ARL14EPL: variants seen among roughly 807,000 people sequenced by gnomAD.
ARL14EPL encodes the protein ARF like GTPase 14 effector protein like.
In ARL14EPL, 17 loss-of-function variants were observed where a neutral mutation model predicts 15.9. The ratio of observed to expected loss-of-function variants is 1.07; its 90% confidence interval spans 0.73 to 1.60. ARL14EPL has a LOEUF of 1.60. Ranked by LOEUF, ARL14EPL falls within the 40% of genes most tolerant of loss-of-function variation. The pLI, the probability that ARL14EPL is intolerant of heterozygous loss-of-function variation, is 0.00. For missense variants in ARL14EPL, 214 were observed against 185.9 expected, an observed-to-expected ratio of 1.15 and a Z score of -0.88; for synonymous variants, 78 against 63.8, an observed-to-expected ratio of 1.22 and a Z score of -1.06.
At chr5:116,036,530 G>C (rs1014529033) in intron 1 of ARL14EPL, among the ~76,000 whole-genome samples, 1 of 152,148 alleles carries the variant, frequency 6.6e-6, no homozygotes, top group Non-Finnish European at 1.5e-5. Context: ...ACATTATTTA[G>C]ACATGTTTTT....
chr5:116,040,299 T>A (rs1749124826), intron 1 of ARL14EPL, among the ~76,000 whole-genome samples: 2 of 151,928 alleles, frequency 1.3e-5, no homozygotes, highest in African/African-American at 4.8e-5. Context: ...TCCTGTTATA[T>A]ACCAAATGGC....
intron 3 of ARL14EPL, among the ~76,000 whole-genome samples, chr5:116,055,934 G>T (rs983031140): frequency 6.6e-6 from 1 of 152,120 alleles, no homozygotes; most frequent in African/African-American, 2.4e-5. Context: ...TGCTAAGAAT[G>T]ATAGTTTCCA....
chr5:116,036,319 C>A (rs1749049326), intron 1 of ARL14EPL, among the ~76,000 whole-genome samples: 1 of 152,132 alleles, frequency 6.6e-6, no homozygotes, highest in Admixed American at 6.5e-5. Flanking sequence ...GCTTCTAAAA[C>A]ACATACATCT....
Position 116,059,026 on chromosome 5 carries a change from G to T in ARL14EPL, c.*79G>T. On this transcript the variant is annotated 3_prime_UTR_variant, in exon 4 of 4. Coordinates refer to ENST00000686077, the MANE Select transcript of ARL14EPL (RefSeq NM_001195581.2). The stretch of plus-strand genomic sequence containing the variant: ...CTCTTTCTTTTGGGTGAATTTTAGG[G>T]CTTGGGGGAAATATCGAAAAAACAT... 1 of 1,374,654 alleles carries T rather than the reference G, an allele frequency of 7.3e-7. No individual in the cohort carries two copies. The highest frequency in any genetic ancestry group is 9.9e-7 in the Non-Finnish European group (1 of 1,006,770). 85.2% of individuals were successfully genotyped at this position (1,374,654 alleles called of 1,614,324 possible). A position where few individuals can be genotyped will look rare whatever the true frequency, so the allele number is the denominator to read the frequency against.
Position 116,040,132 on chromosome 5 carries a change from G to A in ARL14EPL, c.-10+7627G>A, listed in dbSNP as rs1210444275. Among the ~76,000 whole-genome samples, 3 of 152,096 alleles carry A rather than the reference G, an allele frequency of 2.0e-5. 1 individual carries two copies. On this transcript the variant is annotated intron_variant, in intron 1 of 3. Coordinates refer to ENST00000686077, the MANE Select transcript of ARL14EPL (RefSeq NM_001195581.2). Reference sequence around the variant, plus strand: ...TTTACTCTTGTAGCTAAATTTTTGCGAAGATCTTTGTCTTTCCTTAGAATA... The same window carrying A: ...TTTACTCTTGTAGCTAAATTTTTGCAAAGATCTTTGTCTTTCCTTAGAATA...
chr5:116,036,698 A>G (rs1749055879), intron 1 of ARL14EPL, among the ~76,000 whole-genome samples: 1 of 152,182 alleles, frequency 6.6e-6, no homozygotes, highest in South Asian at 2.1e-4. Flanking sequence ...TAACCTAGAA[A>G]TATGCTTACA....
intron 3 of ARL14EPL, among the ~76,000 whole-genome samples, chr5:116,056,871 G>T (rs1580418966): frequency 6.6e-6 from 1 of 152,158 alleles, no homozygotes; most frequent in South Asian, 2.1e-4. Context: ...CATATGGCTA[G>T]CCAGTTTTCC....
chr5:116,050,846 C>T (rs1749361716), intron 1 of ARL14EPL, among the ~76,000 whole-genome samples: 1 of 151,888 alleles, frequency 6.6e-6, no homozygotes, highest in Non-Finnish European at 1.5e-5. Context: ...CACACACACA[C>T]ACACACACAC....
intron 3 of ARL14EPL, among the ~76,000 whole-genome samples, chr5:116,057,841 A>G (rs947837431): frequency 3.3e-5 from 5 of 152,214 alleles, no homozygotes; most frequent in African/African-American, 1.2e-4. Flanking sequence ...TAATTTTGCC[A>G]TACTAGCTTA....
intron 1 of ARL14EPL, among the ~76,000 whole-genome samples, chr5:116,041,387 G>A (rs1749155496): frequency 2.6e-5 from 4 of 152,094 alleles, no homozygotes; most frequent in Admixed American, 2.6e-4. Flanking sequence ...AAGTTTTGGG[G>A]GAAAACACTG....
chr5:116,055,441 A>C (rs1001639709), intron 3 of ARL14EPL, among the ~76,000 whole-genome samples: 1 of 152,158 alleles, frequency 6.6e-6, no homozygotes, highest in Non-Finnish European at 1.5e-5. Flanking sequence ...AAGATAAATA[A>C]CTTGTGGTAT....
intron 3 of ARL14EPL, among the ~76,000 whole-genome samples, chr5:116,057,505 G>A (rs1749549190): frequency 6.6e-6 from 1 of 151,876 alleles, no homozygotes; most frequent in Non-Finnish European, 1.5e-5. Flanking sequence ...AGGGAGGACA[G>A]AATCTGACCT....
intron 2 of ARL14EPL, chr5:116,051,934 A>T (rs11541953): frequency 1.0e-4 from 165 of 1,604,968 alleles, no homozygotes; most frequent in Non-Finnish European, 1.3e-4. Context: ...CAGCAGCTGG[A>T]GCATCTCCAC....
chr5:116,051,063 G>C (rs1202079840), intron 1 of ARL14EPL: 1 of 153,604 alleles, frequency 6.5e-6, no homozygotes, highest in Non-Finnish European at 1.4e-5. Context: ...GAAACCATGA[G>C]AGTGGATGAG....
intron 2 of ARL14EPL, among the ~76,000 whole-genome samples, chr5:116,053,275 CCCGGG>C (rs1421867232): frequency 6.6e-6 from 1 of 151,728 alleles, no homozygotes; most frequent in African/African-American, 2.4e-5. Context: ...TCACTTGAGC[CCCGGG>C]GATTGAGGCT....
At position 116,044,679 on chromosome 5, in the gene ARL14EPL, G is replaced by A. The variant is rs148901085; in HGVS notation, c.-9-6778G>A. On this transcript the variant is annotated intron_variant, in intron 1 of 3. Coordinates refer to ENST00000686077, the MANE Select transcript of ARL14EPL (RefSeq NM_001195581.2). ...TTGTGAATGGAAGATGAGAGAGAAGGAGAACTCTCATAATCCGATTTCATA... is the reference window on the plus strand; with the variant it reads ...TTGTGAATGGAAGATGAGAGAGAAGAAGAACTCTCATAATCCGATTTCATA... Among the ~76,000 whole-genome samples the A allele has an allele frequency of 3.6e-3, 550 of 152,212 alleles. 16 individuals carry two copies. The highest frequency in any genetic ancestry group is 0.029 in the Admixed American group (439 of 15,276).
chr5:116,054,264 C>T, intron 3 of ARL14EPL, 111 bp downstream of exon 3: 1 of 1,200,390 alleles, frequency 8.3e-7, no homozygotes, highest in Non-Finnish European at 1.1e-6. Context: ...TTAAAAATAT[C>T]TCCTCTGAAA....
At chr5:116,056,394 G>A (rs7709130) in intron 3 of ARL14EPL, among the ~76,000 whole-genome samples, 3,133 of 152,268 alleles carry the variant, frequency 0.021, 104 homozygotes, top group African/African-American at 0.072. Flanking sequence ...TTCTCTGATG[G>A]CCAGTGATAA....
intron 1 of ARL14EPL, among the ~76,000 whole-genome samples, chr5:116,033,107 T>C (rs1452588183): frequency 6.6e-6 from 1 of 152,156 alleles, no homozygotes; most frequent in Non-Finnish European, 1.5e-5. Flanking sequence ...CCTATAGCTA[T>C]GTATTCTTAA....
Sources: allele counts gnomAD v4.1 joint callset (sites outside exome capture counted in the v4.1 genomes callset), GRCh38; gene constraint gnomAD v4.1.1; transcripts MANE v1.5; gene names NCBI Gene and HGNC (gene_info 2026-07-23, HGNC 2026-07-21).